The following RGL1 variants were observed in gnomAD, a reference collection of about 807,000 sequenced individuals.
RGL1 encodes ral guanine nucleotide dissociation stimulator-like 1.
A neutral mutation model predicts 95.2 loss-of-function variants in RGL1; 24 were observed. The observed-to-expected ratio is 0.25, with a 90% confidence interval of 0.18 to 0.35. The LOEUF is 0.35. RGL1 is among the 10% of genes least tolerant of loss of function. The pLI is 1.00. For synonymous variants in RGL1, 329 were observed against 344.9 expected, an observed-to-expected ratio of 0.95 and a Z score of 0.51; for missense variants, 715 against 936.3, an observed-to-expected ratio of 0.76 and a Z score of 3.08.
intron 2 of RGL1, among the ~76,000 whole-genome samples, chr1:183,829,877 A>G (rs1200639161): frequency 1.3e-5 from 2 of 151,978 alleles, no homozygotes; most frequent in African/African-American, 4.8e-5. Flanking sequence ...TTTATCTTAT[A>G]TCTAAGACAA....
At chr1:183,879,096 G>A (rs1229331229) in intron 4 of RGL1, among the ~76,000 whole-genome samples, 2 of 152,162 alleles carry the variant, frequency 1.3e-5, no homozygotes, top group Admixed American at 6.5e-5. Flanking sequence ...AATATTTGGA[G>A]TATTGAATTA....
At chr1:183,797,193 G>A (rs190202675) in intron 2 of RGL1, among the ~76,000 whole-genome samples, 1 of 152,316 alleles carries the variant, frequency 6.6e-6, no homozygotes, top group Non-Finnish European at 1.5e-5. Flanking sequence ...GCCGGGCGTG[G>A]TGGTGGGCAC....
intron 3 of RGL1, among the ~76,000 whole-genome samples, chr1:183,862,845 A>G (rs1380032993): frequency 6.6e-6 from 1 of 152,260 alleles, no homozygotes; most frequent in Non-Finnish European, 1.5e-5. Context: ...AAAAGAAAAC[A>G]TCCTGGTATG....
chr1:183,797,486 A>G (rs1415748672), intron 2 of RGL1, among the ~76,000 whole-genome samples: 1 of 152,166 alleles, frequency 6.6e-6, no homozygotes, highest in Non-Finnish European at 1.5e-5. Flanking sequence ...CCTCTTCTTT[A>G]GTTGTAATAC....
At chr1:183,747,620 T>C (rs1017059295) in intron 2 of RGL1, among the ~76,000 whole-genome samples, 11 of 152,198 alleles carry the variant, frequency 7.2e-5, no homozygotes, top group African/African-American at 2.7e-4. Context: ...TCTTTTGCTG[T>C]GCAGAAGCTC....
chr1:183,684,875 A>T (rs2102090948), intron 1 of RGL1, among the ~76,000 whole-genome samples: 1 of 152,240 alleles, frequency 6.6e-6, no homozygotes, highest in East Asian at 1.9e-4. Context: ...CCTGGTTGAG[A>T]GGACGCCCCC....
At chr1:183,813,913 A>G (rs1572446370) in intron 2 of RGL1, among the ~76,000 whole-genome samples, 2 of 152,300 alleles carry the variant, frequency 1.3e-5, no homozygotes, top group Non-Finnish European at 2.9e-5. Flanking sequence ...CACAGCCTAT[A>G]TATTAAAATG....
intron 2 of RGL1, among the ~76,000 whole-genome samples, chr1:183,827,138 G>A (rs1316266412): frequency 6.6e-6 from 1 of 152,170 alleles, no homozygotes; most frequent in Non-Finnish European, 1.5e-5. Context: ...GGCCAGGCTG[G>A]TCTTGAACTA....
rs934050835 is a variant in RGL1, at chr1:183,678,345, G to GT, written c.-33+41850dup. ...CCTATCATGATACCATAATCAGTGA[G>GT]TTTTTTATTGATTTATATCAGACTT... On this transcript the variant is annotated intron_variant, in intron 1 of 18. Coordinates refer to the RGL1 transcript ENST00000304685. 4.6e-4 allele frequency among the ~76,000 whole-genome samples: 70 copies of GT among 152,180 alleles called. 1 individual carries two copies. Among genetic ancestry groups the GT allele is most frequent in the Admixed American group, 3.4e-3 (52 of 15,284 alleles).
At chr1:183,899,944 G>C (rs1400888635) in intron 10 of RGL1, among the ~76,000 whole-genome samples, 1 of 152,114 alleles carries the variant, frequency 6.6e-6, no homozygotes, top group East Asian at 1.9e-4. Context: ...TTGAGGCTTG[G>C]TTTTCATGAT....
At chr1:183,754,113 G>A (rs535669223) in intron 2 of RGL1, among the ~76,000 whole-genome samples, 29 of 152,194 alleles carry the variant, frequency 1.9e-4, no homozygotes, top group African/African-American at 3.1e-4. Flanking sequence ...ACAGATGGGC[G>A]TGCTTGTGGT....
At chr1:183,721,317 C>T (rs1308715092) in intron 1 of RGL1, among the ~76,000 whole-genome samples, 1 of 152,150 alleles carries the variant, frequency 6.6e-6, no homozygotes, top group African/African-American at 2.4e-5. Context: ...TCATGTAAGT[C>T]TTTTTGATCT....
chr1:183,846,123 G>A (rs1664409615), intron 2 of RGL1, among the ~76,000 whole-genome samples: 1 of 152,192 alleles, frequency 6.6e-6, no homozygotes, highest in South Asian at 2.1e-4. Flanking sequence ...GTTCACAATA[G>A]CAAAGACTTG....
At chr1:183,718,248 AAGAG>A (rs1160582825) in intron 1 of RGL1, among the ~76,000 whole-genome samples, 220 of 150,132 alleles carry the variant, frequency 1.5e-3, no homozygotes, top group African/African-American at 5.0e-3. Flanking sequence ...AAAAAAAAAA[AAGAG>A]AGAGAGAGAG....
chr1:183,794,061 C>G (rs890892576), intron 2 of RGL1, among the ~76,000 whole-genome samples: 2 of 92,238 alleles, frequency 2.2e-5, no homozygotes, highest in Non-Finnish European at 2.1e-5. Context: ...TGTGGACACA[C>G]ACACACACAC....
chr1:183,772,837 G>A (rs370846310), intron 2 of RGL1, among the ~76,000 whole-genome samples: 28 of 150,762 alleles, frequency 1.9e-4, no homozygotes, highest in African/African-American at 4.9e-4. Context: ...GTGAAACCCC[G>A]TCTCTACTAA....
chr1:183,761,177 C>T (rs945971180), intron 2 of RGL1, among the ~76,000 whole-genome samples: 1 of 152,154 alleles, frequency 6.6e-6, no homozygotes, highest in Non-Finnish European at 1.5e-5. Context: ...ATGGTGAATC[C>T]TTTCCAAAAG....
At chr1:183,650,411 C>T (rs920392860) in intron 1 of RGL1, among the ~76,000 whole-genome samples, 1 of 152,018 alleles carries the variant, frequency 6.6e-6, no homozygotes, top group Non-Finnish European at 1.5e-5. Flanking sequence ...GGTGTGGTGG[C>T]ATGCGCCTGT....
At chr1:183,924,799 C>CAAAAAAAAA (rs758747749) in intron 17 of RGL1, among the ~76,000 whole-genome samples, 2 of 111,126 alleles carry the variant, frequency 1.8e-5, no homozygotes, top group African/African-American at 6.1e-5. Flanking sequence ...CAAAAAAATA[C>CAAAAAAAAA]AAAAAAAAAA....
Sources: gnomAD v4.1 joint callset for allele counts (sites outside exome capture counted in the v4.1 genomes callset) on GRCh38, gnomAD v4.1.1 for gene constraint, MANE v1.5 for transcripts, NCBI Gene and HGNC (gene_info 2026-07-23, HGNC 2026-07-21) for gene names.